The following CENPQ variants were observed in gnomAD, a reference collection of about 807,000 sequenced individuals.
The protein encoded by CENPQ is chromosome 6 open reading frame 139.
In CENPQ, 27 loss-of-function variants were observed where a neutral mutation model predicts 36.6. That is an observed-to-expected ratio of 0.74 (90% CI 0.54 to 1.02). The LOEUF (loss-of-function observed/expected upper bound fraction) is 1.02, where lower values mean the gene tolerates loss of function less well. Ranked by LOEUF, CENPQ falls within the 50% of genes least tolerant of loss-of-function variation. The pLI is 0.00. For synonymous variants in CENPQ, 101 were observed against 101.7 expected (o/e 0.99, Z 0.04); for missense variants, 306 against 301.8 (o/e 1.01, Z -0.10).
intron 4 of CENPQ, among the ~76,000 whole-genome samples, chr6:49,472,430 T>C (rs1415783716): frequency 6.6e-6 from 1 of 152,188 alleles, no homozygotes; most frequent in Non-Finnish European, 1.5e-5. Flanking sequence ...AATAAAATTT[T>C]AATTTTTGTC....
At chr6:49,474,886 G>C (rs188241922) in intron 5 of CENPQ, among the ~76,000 whole-genome samples, 1 of 151,908 alleles carries the variant, frequency 6.6e-6, no homozygotes, top group African/African-American at 2.4e-5. Flanking sequence ...ACACCTCTAC[G>C]CAAATAAAAT....
intron 6 of CENPQ, among the ~76,000 whole-genome samples, chr6:49,482,628 A>G (rs2086422): frequency 0.98 from 149,315 of 152,196 alleles, 73,316 homozygotes; most frequent in East Asian, 1. Context: ...GCCTCGATTT[A>G]CTCAGTGATA....
At chr6:49,482,411 C>G (rs1768458727) in intron 6 of CENPQ, among the ~76,000 whole-genome samples, 1 of 152,174 alleles carries the variant, frequency 6.6e-6, no homozygotes, top group African/African-American at 2.4e-5. Context: ...CAGGACATCC[C>G]AACTGCTGTT....
chr6:49,491,909 C>T (rs1768729092), intron 8 of CENPQ, among the ~76,000 whole-genome samples: 1 of 151,974 alleles, frequency 6.6e-6, no homozygotes, highest in Non-Finnish European at 1.5e-5. Context: ...GAGCAAAACT[C>T]CACCTCAAAA....
intron 6 of CENPQ, among the ~76,000 whole-genome samples, chr6:49,483,822 G>T (rs1768514420): frequency 1.3e-5 from 2 of 152,232 alleles, no homozygotes; most frequent in Non-Finnish European, 2.9e-5. Context: ...TGCAAGCTGA[G>T]GGAGCCAGCT....
chr6:49,477,699 A>G (rs1451366180), intron 5 of CENPQ, among the ~76,000 whole-genome samples: 1 of 152,156 alleles, frequency 6.6e-6, no homozygotes, highest in Non-Finnish European at 1.5e-5. Context: ...TCAACCCACA[A>G]TAGCCAAGTA....
chr6:49,489,031 G>A (rs925890838), intron 8 of CENPQ, among the ~76,000 whole-genome samples: 1 of 152,184 alleles, frequency 6.6e-6, no homozygotes, highest in Non-Finnish European at 1.5e-5. Flanking sequence ...GGTGATTACT[G>A]AAGGTTGGGA....
intron 5 of CENPQ, among the ~76,000 whole-genome samples, chr6:49,473,396 A>C (rs1190340550): frequency 6.6e-6 from 1 of 152,152 alleles, no homozygotes; most frequent in Non-Finnish European, 1.5e-5. Flanking sequence ...GTATTTACAC[A>C]ACTTTTTCTT....
At chr6:49,472,471 C>T (rs1333414198) in intron 4 of CENPQ, among the ~76,000 whole-genome samples, 1 of 151,986 alleles carries the variant, frequency 6.6e-6, no homozygotes, top group Non-Finnish European at 1.5e-5. Flanking sequence ...AAGTTGAGTT[C>T]AAAGTGACAC....
chr6:49,473,084 T>C (rs1247202580), intron 5 of CENPQ, among the ~76,000 whole-genome samples: 3 of 152,180 alleles, frequency 2.0e-5, no homozygotes, highest in Admixed American at 6.6e-5. Flanking sequence ...CACGAAATTC[T>C]GTTTCCACAG....
intron 1 of CENPQ, among the ~76,000 whole-genome samples, chr6:49,467,920 G>C (rs979255863): frequency 2.0e-5 from 3 of 152,152 alleles, no homozygotes. Context: ...ATTACTCAAA[G>C]TGTGTTCAGG....
chr6:49,473,734 T>TAA (rs1341566714), intron 5 of CENPQ, among the ~76,000 whole-genome samples: 1 of 151,686 alleles, frequency 6.6e-6, no homozygotes, highest in East Asian at 1.9e-4. Context: ...GCAAATTGGA[T>TAA]AGAGTCAAAA....
intron 4 of CENPQ, 99 bp downstream of exon 4, chr6:49,472,282 A>G: frequency 1.0e-6 from 1 of 967,472 alleles, no homozygotes; most frequent in Non-Finnish European, 1.4e-6. Context: ...TTAAGGTAAT[A>G]GAGTATATTT....
At chr6:49,480,921 CAA>C (rs749089677) in intron 5 of CENPQ, 28 bp from the exon 6 acceptor site, 1 of 1,498,248 alleles carries the variant, frequency 6.7e-7, no homozygotes, top group Non-Finnish European at 9.0e-7. Context: ...CAAAAATAAA[CAA>C]AATAATTGTT....
In CENPQ at chr6:49,470,247, A is replaced by T; in HGVS notation, c.71A>T (p.Asp24Val). ...QLKRNPKRKKDNEEVVLSENK... is the reference protein window; with the variant it reads ...QLKRNPKRKKVNEEVVLSENK... ...AAAAGAAATCCAAAGAGAAAAAAGGATAATGAGGAAGTTGTGTTGTCAGAG... is the reference window on the plus strand; with the variant it reads ...AAAAGAAATCCAAAGAGAAAAAAGGTTAATGAGGAAGTTGTGTTGTCAGAG... Residue 24 changes from aspartate to valine, a missense_variant, in exon 2 of 9, where the codon GAT becomes GTT. Transcript: ENST00000335783. 4 of 1,606,400 alleles carry T rather than the reference A, an allele frequency of 2.5e-6. No individual in the cohort carries two copies. The highest frequency in any genetic ancestry group is 3.4e-6 in the Non-Finnish European group (4 of 1,174,642).
chr6:49,464,201 C>T (rs1581840375), intron 1 of CENPQ, among the ~76,000 whole-genome samples: 1 of 151,822 alleles, frequency 6.6e-6, no homozygotes, highest in South Asian at 2.1e-4. Flanking sequence ...TTTTTGGTTT[C>T]CCAGTGCATA....
chr6:49,471,927 T>C (rs910183194), intron 3 of CENPQ, 136 bp from the exon 4 acceptor site: 1 of 902,190 alleles, frequency 1.1e-6, no homozygotes, highest in Non-Finnish European at 1.5e-6. Flanking sequence ...AAAAAGTAAA[T>C]TAAACAGTTT....
chr6:49,488,846 T>A (rs749661488), intron 8 of CENPQ, among the ~76,000 whole-genome samples, 162 bp downstream of exon 8: 1 of 147,472 alleles, frequency 6.8e-6, no homozygotes, highest in Admixed American at 6.6e-5. Flanking sequence ...TACTGTAGTC[T>A]AGTAAGTGTG....
chr6:49,481,503 A>T lies in CENPQ; in HGVS notation c.477+423A>T, dbSNP rs575958462. On this transcript the variant is annotated intron_variant, in intron 6 of 8. Coordinates refer to ENST00000335783, the MANE Select transcript of CENPQ (RefSeq NM_018132.4). ...CAGCTCATAAAGGCAGTGTGGACCCAAAGAGTGAGCAGTAGCAAGATTTAT... is the reference window on the plus strand; with the variant it reads ...CAGCTCATAAAGGCAGTGTGGACCCTAAGAGTGAGCAGTAGCAAGATTTAT... Among the ~76,000 whole-genome samples, 5 of 152,256 alleles carry T rather than the reference A, an allele frequency of 3.3e-5. No individual in the cohort carries two copies. In the East Asian group the frequency reaches 7.7e-4, roughly 24 times the overall value.
Sources: gnomAD v4.1 joint callset for allele counts (sites outside exome capture counted in the v4.1 genomes callset) on GRCh38, gnomAD v4.1.1 for gene constraint, MANE v1.5 for transcripts, NCBI Gene and HGNC (gene_info 2026-07-23, HGNC 2026-07-21) for gene names.